The following SLC20A2 variants were observed in gnomAD, a reference collection of about 807,000 sequenced individuals.
The protein encoded by SLC20A2 is solute carrier family 20 member 2, also known as sodium-dependent phosphate transporter 2.
In SLC20A2, 30 loss-of-function variants were observed where a neutral mutation model predicts 61.0. That is an observed-to-expected ratio of 0.49 (90% CI 0.37 to 0.67). The LOEUF (loss-of-function observed/expected upper bound fraction) is 0.67. Ranked by LOEUF, SLC20A2 falls within the 30% of genes least tolerant of loss-of-function variation. The pLI is 0.00. For synonymous variants in SLC20A2, 351 were observed against 353.3 expected (o/e 0.99, Z 0.07); for missense variants, 626 against 866.4 (o/e 0.72, Z 3.48).
At chr8:42,448,447 G>T (rs1232126669) in intron 5 of SLC20A2, among the ~76,000 whole-genome samples, 1 of 152,194 alleles carries the variant, frequency 6.6e-6, no homozygotes, top group East Asian at 1.9e-4. Flanking sequence ...ACCACGCCAG[G>T]CTCCCAGCAG....
chr8:42,496,657 A>T (rs1000519953), intron 1 of SLC20A2, among the ~76,000 whole-genome samples: 1 of 152,220 alleles, frequency 6.6e-6, no homozygotes, highest in Non-Finnish European at 1.5e-5. Flanking sequence ...TAGATACAAA[A>T]ATGTTGTGAT....
intron 1 of SLC20A2, among the ~76,000 whole-genome samples, chr8:42,493,893 C>T (rs1168362342): frequency 6.6e-6 from 1 of 152,090 alleles, no homozygotes; most frequent in Non-Finnish European, 1.5e-5. Context: ...CTCTGTAATC[C>T]CAGCACTTTG....
chr8:42,506,778 G>C (rs1206295829), intron 1 of SLC20A2, among the ~76,000 whole-genome samples: 1 of 152,292 alleles, frequency 6.6e-6, no homozygotes, highest in South Asian at 2.1e-4. Flanking sequence ...TCATGTGTCT[G>C]GGCAGATGGC....
Position 42,472,086 on chromosome 8 carries a change from A to T in SLC20A2, c.289+16T>A. On this transcript the variant is annotated intron_variant, in intron 2 of 10. Transcript: ENST00000520262. The surrounding 1 kb of genome is among the most constrained non-coding windows in gnomAD (Gnocchi z 4.1). Reference sequence around the variant, plus strand: ...GTGGGCGGATGTCCCATCGGTATAGAGAAGAGGCTACTCACCAACCATGGC... The same window carrying T: ...GTGGGCGGATGTCCCATCGGTATAGTGAAGAGGCTACTCACCAACCATGGC... 6.2e-7 allele frequency: 1 copy of T among 1,611,192 alleles called. No homozygotes were observed. Among genetic ancestry groups the T allele is most frequent in the Non-Finnish European group, 8.5e-7 (1 of 1,178,934 alleles).
chr8:42,434,637 T>C (rs1804107265), intron 8 of SLC20A2, among the ~76,000 whole-genome samples: 2 of 152,220 alleles, frequency 1.3e-5, no homozygotes, highest in Admixed American at 1.3e-4. Flanking sequence ...CAGGGTGGGA[T>C]AGGCCATGGC....
upstream of SLC20A2, chr8:42,501,236 TG>T (rs2131347903): frequency 6.6e-6 from 1 of 152,318 alleles, no homozygotes; most frequent in South Asian, 2.1e-4. Context: ...CACGCTGATT[TG>T]CATCATGTGT....
intron 10 of SLC20A2, among the ~76,000 whole-genome samples, chr8:42,423,555 T>TC (rs1803183018): frequency 6.6e-6 from 1 of 152,164 alleles, no homozygotes; most frequent in African/African-American, 2.4e-5. Flanking sequence ...TATAAATGTT[T>TC]CACGATGCTT....
intron 5 of SLC20A2, among the ~76,000 whole-genome samples, chr8:42,445,933 TGAAATCA>T (rs1411768465): frequency 6.6e-6 from 1 of 152,188 alleles, no homozygotes; most frequent in Non-Finnish European, 1.5e-5. Flanking sequence ...AGAACTTCTT[TGAAATCA>T]ATTGAGAAAT....
intron 1 of SLC20A2, among the ~76,000 whole-genome samples, chr8:42,494,174 G>C (rs1809741213): frequency 1.3e-5 from 2 of 152,164 alleles, no homozygotes; most frequent in South Asian, 4.1e-4. Context: ...TAACAAATTT[G>C]ATAAATATAG....
In SLC20A2 at chr8:42,453,737, C is replaced by A. The variant is rs529388526; in HGVS notation, c.613+6159G>T. 6.6e-5 allele frequency among the ~76,000 whole-genome samples: 10 copies of A among 152,252 alleles called. No individual in the cohort carries two copies. The South Asian group carries it at 2.1e-3, about 32-fold the overall frequency. Reference sequence around the variant, plus strand: ...TCATCGGAGGAACAAAATGGTGGGACCTTCAGAGCCATGACCTTCTCCTCT... The same window carrying A: ...TCATCGGAGGAACAAAATGGTGGGAACTTCAGAGCCATGACCTTCTCCTCT... On this transcript the variant is annotated intron_variant, in intron 5 of 10. Coordinates refer to ENST00000520262, the MANE Select transcript of SLC20A2 (RefSeq NM_001257180.2).
Position 42,524,374 on chromosome 8 carries a change from T to C in SLC20A2, c.-265+17447A>G, listed in dbSNP as rs200076789. Among the ~76,000 whole-genome samples, 21 of 152,266 alleles carry C rather than the reference T, an allele frequency of 1.4e-4. No homozygotes were observed. The East Asian group carries it at 2.3e-3, about 17-fold the overall frequency. On this transcript the variant is annotated intron_variant, in intron 1 of 10. Coordinates refer to the SLC20A2 transcript ENST00000342228. ...GGAGTGGGTAGAAGTTTTAACACGA[T>C]TGGCCACAAATTTATAAAGCTGGGT...
rs192511066 is a variant in SLC20A2, at chr8:42,428,855, C to T, written c.1710-13G>A. 5 of 1,573,434 alleles carry T rather than the reference C, an allele frequency of 3.2e-6. No individual in the cohort carries two copies. The African/African-American group carries it at 5.5e-5, about 17-fold the overall frequency. The stretch of plus-strand genomic sequence containing the variant: ...GATCGTGAAGCCGCTGTGGGGGGAG[C>T]ATGAGACACGTCACAGGTGCCCTCT... On this transcript the variant is annotated splice_polypyrimidine_tract_variant and intron_variant, in intron 9 of 10. Coordinates refer to ENST00000520262, the MANE Select transcript of SLC20A2 (RefSeq NM_001257180.2).
chr8:42,526,319 TATCTG>T (rs1420864113), intron 1 of SLC20A2, among the ~76,000 whole-genome samples: 2 of 151,318 alleles, frequency 1.3e-5, no homozygotes, highest in East Asian at 3.9e-4. Flanking sequence ...TTCTACAAAA[TATCTG>T]ACTGGTGAAC....
At chr8:42,492,388 G>A (rs1005498889) in intron 1 of SLC20A2, among the ~76,000 whole-genome samples, 1 of 152,218 alleles carries the variant, frequency 6.6e-6, no homozygotes, top group African/African-American at 2.4e-5. Context: ...ATCTGCCCAT[G>A]CAAGGTGTGT....
At chr8:42,479,218 G>A (rs1177954432) in intron 1 of SLC20A2, among the ~76,000 whole-genome samples, 2 of 152,148 alleles carry the variant, frequency 1.3e-5, no homozygotes, top group Non-Finnish European at 2.9e-5. Context: ...TTAAGTTTAC[G>A]CAAATATAAA....
At chr8:42,451,395 AGG>A (rs1805631510) in intron 5 of SLC20A2, among the ~76,000 whole-genome samples, 1 of 148,564 alleles carries the variant, frequency 6.7e-6, no homozygotes, top group African/African-American at 2.5e-5. Context: ...GAGGAGGAGG[AGG>A]AAGAGATAGA....
intron 8 of SLC20A2, among the ~76,000 whole-genome samples, chr8:42,433,963 C>T (rs1294552512): frequency 1.3e-5 from 2 of 152,160 alleles, no homozygotes; most frequent in Non-Finnish European, 2.9e-5. Context: ...CCATTTTACA[C>T]CCCCACTAAT....
chr8:42,476,833 G>C (rs557820986), intron 1 of SLC20A2, among the ~76,000 whole-genome samples: 2 of 152,288 alleles, frequency 1.3e-5, no homozygotes, highest in South Asian at 4.1e-4. Flanking sequence ...CTCCTGCGTG[G>C]AGAAGGGCAA....
chr8:42,427,001 T>A (rs540670195), intron 10 of SLC20A2, among the ~76,000 whole-genome samples: 1 of 152,356 alleles, frequency 6.6e-6, no homozygotes, highest in East Asian at 1.9e-4. Flanking sequence ...GTTTGAAATA[T>A]TTCAGTGAAT....
Sources: allele counts gnomAD v4.1 joint callset (sites outside exome capture counted in the v4.1 genomes callset), GRCh38; gene constraint gnomAD v4.1.1; non-coding constraint Gnocchi (gnomAD v3.1); transcripts MANE v1.5; gene names NCBI Gene and HGNC (gene_info 2026-07-23, HGNC 2026-07-21).